CFAP70: variants seen among roughly 807,000 people sequenced by gnomAD.
CFAP70 encodes the protein cilia- and flagella-associated protein 70.
In CFAP70, 81 loss-of-function variants were observed where a neutral mutation model predicts 137.6. The ratio of observed to expected loss-of-function variants is 0.59; its 90% CI spans 0.49 to 0.71. The LOEUF is 0.71. Ranked by LOEUF, CFAP70 falls within the 30% of genes least tolerant of loss-of-function variation. The probability of loss-of-function intolerance (pLI) is 0.00; values close to 1 mark genes in which losing one functional copy is unlikely to be tolerated. For synonymous variants in CFAP70, 382 were observed against 423.6 expected, an observed-to-expected ratio of 0.90 and a Z score of 1.20; for missense variants, 976 against 1,226.7, an observed-to-expected ratio of 0.80 and a Z score of 3.05.
intron 26 of CFAP70, among the ~76,000 whole-genome samples, chr10:73,255,270 G>A (rs1206680771): frequency 6.6e-6 from 1 of 152,038 alleles, no homozygotes; most frequent in Non-Finnish European, 1.5e-5. Flanking sequence ...GTGGCGGGCG[G>A]CTGTAGTCCC....
At chr10:73,355,738 A>G (rs995471035) in intron 1 of CFAP70, among the ~76,000 whole-genome samples, 3 of 152,212 alleles carry the variant, frequency 2.0e-5, no homozygotes, top group Admixed American at 6.5e-5. Flanking sequence ...AGATCACACC[A>G]CTGAACTCCA....
chr10:73,274,697 T>A (rs1185333490), intron 22 of CFAP70, 103 bp from the exon 24 acceptor site: 1 of 1,095,552 alleles, frequency 9.1e-7, no homozygotes. Context: ...GTCCATTTCC[T>A]TTCTCTTTTC....
At chr10:73,335,060 C>CT (rs547226854) in intron 7 of CFAP70, among the ~76,000 whole-genome samples, 5,154 of 118,290 alleles carry the variant, frequency 0.044, 421 homozygotes, top group African/African-American at 0.13. Flanking sequence ...TCTTCTTCTT[C>CT]TTTTTTTTTT....
chr10:73,353,733 T>C (rs1454091351), exon 3 of CFAP70: 2 of 1,613,764 alleles, frequency 1.2e-6, no homozygotes, highest in South Asian at 2.2e-5. Flanking sequence ...GTATCTCCTT[T>C]AAAACCTTTC....
At chr10:73,270,402 C>CTTTTA (rs1451507172) in intron 24 of CFAP70, among the ~76,000 whole-genome samples, 4 of 150,806 alleles carry the variant, frequency 2.7e-5, no homozygotes, top group Non-Finnish European at 5.9e-5. Context: ...TTTTTCTTTT[C>CTTTTA]TTTTCTCTTT....
intron 8 of CFAP70, among the ~76,000 whole-genome samples, chr10:73,323,696 T>G (rs1388586763): frequency 6.6e-6 from 1 of 151,894 alleles, no homozygotes; most frequent in Non-Finnish European, 1.5e-5. Context: ...GCTTGGAGGG[T>G]CCTATGCCCA....
intron 13 of CFAP70, 148 bp downstream of exon 14, chr10:73,299,457 T>C: frequency 1.5e-6 from 1 of 659,908 alleles, no homozygotes; most frequent in Non-Finnish European, 2.6e-6. Flanking sequence ...ATGCCATTGA[T>C]CACAAATGGA....
intron 9 of CFAP70, among the ~76,000 whole-genome samples, chr10:73,319,091 C>A (rs952686402): frequency 7.2e-5 from 11 of 152,136 alleles, no homozygotes; most frequent in African/African-American, 9.7e-5. Context: ...GTAACTTAAA[C>A]AAGAAGGTAA....
intron 9 of CFAP70, among the ~76,000 whole-genome samples, chr10:73,313,542 CAAA>C (rs35177327): frequency 2.9e-4 from 26 of 90,284 alleles, no homozygotes; most frequent in East Asian, 8.8e-4. Flanking sequence ...GACTCTGTCT[CAAA>C]AAAAAAAAAA....
At chr10:73,334,444 G>A (rs560790509) in intron 7 of CFAP70, among the ~76,000 whole-genome samples, 1 of 152,118 alleles carries the variant, frequency 6.6e-6, no homozygotes, top group Non-Finnish European at 1.5e-5. Flanking sequence ...CGTGCAAGCT[G>A]GAGCTCCAGC....
intron 11 of CFAP70, among the ~76,000 whole-genome samples, chr10:73,311,408 T>A (rs1669668715): frequency 6.6e-6 from 1 of 152,178 alleles, no homozygotes; most frequent in African/African-American, 2.4e-5. Flanking sequence ...CATCCTAATA[T>A]TTGTCTCCTC....
chr10:73,332,429 G>A (rs908778439), intron 7 of CFAP70, among the ~76,000 whole-genome samples: 1 of 152,170 alleles, frequency 6.6e-6, no homozygotes, highest in African/African-American at 2.4e-5. Context: ...TACTTTACCA[G>A]ATCCTTATCT....
chr10:73,343,092 C>A (rs943894560), intron 5 of CFAP70, among the ~76,000 whole-genome samples: 1 of 151,872 alleles, frequency 6.6e-6, no homozygotes, highest in Non-Finnish European at 1.5e-5. Flanking sequence ...TGCCTGTAGT[C>A]CCAGCTACTC....
intron 12 of CFAP70, among the ~76,000 whole-genome samples, chr10:73,309,897 T>TC: frequency 6.6e-6 from 1 of 151,610 alleles, no homozygotes; most frequent in South Asian, 2.1e-4. Context: ...GCTCAGGCAA[T>TC]CCCCCCCACC....
At chr10:73,264,181 C>T (rs183556529) in intron 25 of CFAP70, among the ~76,000 whole-genome samples, 24 of 152,242 alleles carry the variant, frequency 1.6e-4, no homozygotes, top group South Asian at 4.1e-4. Context: ...CTTTTACTTT[C>T]CATGCACTAG....
chr10:73,289,211 G>A (rs748071089), intron 19 of CFAP70, among the ~76,000 whole-genome samples: 1 of 152,160 alleles, frequency 6.6e-6, no homozygotes, highest in Admixed American at 6.5e-5. Flanking sequence ...CTGAAAAAGA[G>A]CAACATTTCA....
chr10:73,299,177 G>T, intron 13 of CFAP70, 76 bp from the exon 15 acceptor site: 3 of 1,082,556 alleles, frequency 2.8e-6, no homozygotes, highest in South Asian at 1.5e-5. Flanking sequence ...AACTGGATTT[G>T]GTTTTATGTT....
At chr10:73,341,691 C>A in intron 5 of CFAP70, 110 bp from the exon 7 acceptor site, 1 of 912,038 alleles carries the variant, frequency 1.1e-6, no homozygotes, top group Non-Finnish European at 1.7e-6. Flanking sequence ...TCAAACATAC[C>A]CCTCTACGAT....
intron 24 of CFAP70, among the ~76,000 whole-genome samples, chr10:73,270,515 C>CCTCCCCTTCCCA (rs2046197185): frequency 2.3e-5 from 1 of 42,612 alleles, no homozygotes; most frequent in African/African-American, 1.0e-4. Flanking sequence ...CTTCCCCTCC[C>CCTCCCCTTCCCA]CTCCCCTCCC....
Sources: gnomAD v4.1 joint callset for allele counts (sites outside exome capture counted in the v4.1 genomes callset) on GRCh38, gnomAD v4.1.1 for gene constraint, MANE v1.5 for transcripts, NCBI Gene and HGNC (gene_info 2026-07-23, HGNC 2026-07-21) for gene names.